Variants in MVB12A observed in about 807,000 individuals in gnomAD.
MVB12A encodes multivesicular body subunit 12A, also known as CIN85/CD2AP family binding protein.
Under a neutral mutation model 34.3 loss-of-function variants are expected in MVB12A, and 30 were observed. That is an observed-to-expected ratio of 0.88 (90% CI 0.65 to 1.19). The LOEUF (loss-of-function observed/expected upper bound fraction) is 1.19. MVB12A is among the 50% of genes most tolerant of loss of function. The pLI is 0.00. For synonymous variants in MVB12A, 158 were observed against 158.9 expected (o/e 0.99, Z 0.04); for missense variants, 355 against 369.2 (o/e 0.96, Z 0.31).
Position 17,410,386 on chromosome 19 carries a change from GTCTCAAACTCCTAGGCTCCAAAGA to G in MVB12A, c.-5+4093_-5+4116del, listed in dbSNP as rs553531970. Among the ~76,000 whole-genome samples the G allele has an allele frequency of 3.7e-3, 547 of 149,856 alleles. 2 individuals carry two copies. Among genetic ancestry groups the G allele is most frequent in the African/African-American group, 0.013 (514 of 40,594 alleles). ...GGGTCTCAGTATGTTTCCCAGGCTGGTCTCAAACTCCTAGGCTCCAAAGATCCTCCTGCCTCAGCCCCCGCAAAG... is the reference window on the plus strand; with the variant it reads ...GGGTCTCAGTATGTTTCCCAGGCTGGTCCTCCTGCCTCAGCCCCCGCAAAG... On this transcript the variant is annotated intron_variant, in intron 2 of 6. Transcript: ENST00000528604.
At position 17,412,002 on chromosome 19, in the gene MVB12A, T is replaced by A. The variant is rs537241544; in HGVS notation, c.-5+5706T>A. Among the ~76,000 whole-genome samples, 6 of 152,270 alleles carry A rather than the reference T, an allele frequency of 3.9e-5. No homozygotes were observed. In the East Asian group the frequency reaches 1.2e-3, roughly 29 times the overall value. ...GGGCGATTCTGCTCCAGGGGACATT[T>A]TTATTGTCACCGCGGGGGCTGGGAG... On this transcript the variant is annotated intron_variant, in intron 2 of 6. Coordinates refer to the MVB12A transcript ENST00000528604.
chr19:17,421,101 G>T, intron 3 of MVB12A: 1 of 456,782 alleles, frequency 2.2e-6, no homozygotes, highest in South Asian at 1.6e-5. Context: ...AGCCCTCCCA[G>T]CCCCACCTGA....
chr19:17,412,046 A>ATG (rs2074772352), intron 2 of MVB12A, among the ~76,000 whole-genome samples: 2 of 151,986 alleles, frequency 1.3e-5, no homozygotes, highest in Admixed American at 6.6e-5. Flanking sequence ...CCATCTAGGG[A>ATG]TGTAGGCCAG....
chr19:17,422,474 A>G lies in MVB12A; in HGVS notation c.413+16A>G. ...TTCGAATAGGGTAGGGCCACCCCCC[A>G]GTGTCTAGCCACCTTCCCTGCCCTC... On this transcript the variant is annotated intron_variant, in intron 4 of 8. Coordinates refer to ENST00000317040, the MANE Select transcript of MVB12A (RefSeq NM_138401.4). 1 of 1,598,284 alleles carries G rather than the reference A, an allele frequency of 6.3e-7. No homozygotes were observed. The highest frequency in any genetic ancestry group is 8.5e-7 in the Non-Finnish European group (1 of 1,170,462).
chr19:17,423,380 AT>A, intron 4 of MVB12A, 117 bp from the exon 5 acceptor site: 8 of 1,237,330 alleles, frequency 6.5e-6, no homozygotes, highest in South Asian at 1.6e-5. Context: ...AAAAAAAAAA[AT>A]TCCCCCAAAA....
intron 2 of MVB12A, among the ~76,000 whole-genome samples, chr19:17,407,209 C>T (rs11882366): frequency 0.27 from 41,682 of 151,980 alleles, 7,685 homozygotes; most frequent in African/African-American, 0.53. Context: ...CCCTGCAAAC[C>T]GAAAGTTTGT....
intron 2 of MVB12A, among the ~76,000 whole-genome samples, chr19:17,407,621 A>C (rs1199712048): frequency 3.3e-5 from 5 of 152,170 alleles, no homozygotes; most frequent in Non-Finnish European, 7.4e-5. Context: ...TCACTAAATG[A>C]CTACTGCTAT....
chr19:17,409,441 CTTTTTTT>C (rs781196057), intron 2 of MVB12A, among the ~76,000 whole-genome samples: 120 of 78,230 alleles, frequency 1.5e-3, no homozygotes, highest in Non-Finnish European at 2.3e-3. Flanking sequence ...TCTGCCATTA[CTTTTTTT>C]TTTTTTTTTT....
At chr19:17,419,845 A>T (rs1357247648), upstream of MVB12A, 1 of 277,148 alleles carries the variant, frequency 3.6e-6, no homozygotes, top group South Asian at 1.2e-4. Context: ...CCTGTGCCGT[A>T]GCATTTCCGG....
chr19:17,423,731 G>C lies in MVB12A; in HGVS notation c.572G>C (p.Gly191Ala). 1 of 1,614,008 alleles carries C rather than the reference G, an allele frequency of 6.2e-7. No homozygotes were observed. The highest frequency in any genetic ancestry group is 8.5e-7 in the Non-Finnish European group (1 of 1,179,950). ...GLLERTASRL[G>A]SRASTLRRND... Reference sequence around the variant, plus strand: ...CTGGAGCGGACAGCGTCAAGGCTGGGCTCTCGGGCATCCACTCTGCGGAGG... The same window carrying C: ...CTGGAGCGGACAGCGTCAAGGCTGGCCTCTCGGGCATCCACTCTGCGGAGG... Residue 191 changes from glycine to alanine, a missense_variant, in exon 6 of 9, where the codon GGC (glycine) becomes GCC (alanine). By Grantham distance (60) the Gly-to-Ala change is moderately conservative (BLOSUM62 0). Transcript: ENST00000317040.
At chr19:17,422,052 A>G in intron 3 of MVB12A, 3 of 290,638 alleles carry the variant, frequency 1.0e-5, no homozygotes, top group Non-Finnish European at 1.9e-5. Context: ...GAGGGCCACG[A>G]TGGGCACCCA....
rs759150550 is a variant in MVB12A, at chr19:17,424,729, T to C, written c.759+52T>C. 5.2e-6 allele frequency: 8 copies of C among 1,552,814 alleles called. No individual in the cohort carries two copies. The South Asian group carries it at 9.6e-5, about 19-fold the overall frequency. On this transcript the variant is annotated intron_variant, in intron 8 of 8. Coordinates refer to ENST00000317040, the MANE Select transcript of MVB12A (RefSeq NM_138401.4). ...GGTGCAGGGCTAGGGAGGAGGTGCC[T>C]GAGGGGCCGGCACCCGCCCCTCGTC...
Position 17,420,115 on chromosome 19 carries a change from C to T in MVB12A, c.-21C>T, listed in dbSNP as rs1051582933. 8 of 1,330,354 alleles carry T rather than the reference C, an allele frequency of 6.0e-6. No individual in the cohort carries two copies. Among genetic ancestry groups the T allele is most frequent in the Non-Finnish European group, 7.7e-6 (8 of 1,045,240 alleles). 82.4% of individuals were successfully genotyped at this position (1,330,354 alleles called of 1,614,324 possible). The stretch of plus-strand genomic sequence containing the variant: ...TCGAGGCTGTGCCCCGCGACCCCGC[C>T]TTCGGCGCTCGGCTCGCAGGATGGA... On this transcript the variant is annotated 5_prime_UTR_variant, in exon 1 of 9. Transcript: ENST00000317040.
At chr19:17,422,284 C>G (rs753484274) in intron 3 of MVB12A, 48 bp from the exon 4 acceptor site, 6 of 1,578,094 alleles carry the variant, frequency 3.8e-6, no homozygotes, top group Non-Finnish European at 5.2e-6. Context: ...TGGGCCTTCC[C>G]ACCCCTGCCT....
At chr19:17,408,898 C>G (rs959259075) in intron 2 of MVB12A, among the ~76,000 whole-genome samples, 4 of 139,836 alleles carry the variant, frequency 2.9e-5, no homozygotes, top group African/African-American at 1.1e-4. Context: ...GGTACGATCT[C>G]GATCACTACA....
intron 3 of MVB12A, chr19:17,421,920 G>A (rs193297290): frequency 1.9e-4 from 29 of 152,810 alleles, no homozygotes; most frequent in Non-Finnish European, 3.8e-4. Flanking sequence ...CAGCCTGGGC[G>A]ACAGAGTGAG....
At position 17,420,055 on chromosome 19, in the gene MVB12A, G is replaced by T. The variant is rs1293954967; in HGVS notation, c.-81G>T. 4 of 869,928 alleles carry T rather than the reference G, an allele frequency of 4.6e-6. No homozygotes were observed. Among genetic ancestry groups the T allele is most frequent in the Non-Finnish European group, 6.2e-6 (4 of 648,586 alleles). The allele number at this position is 869,928 out of a possible 1,614,324, so 53.9% of individuals were successfully genotyped here. On this transcript the variant is annotated 5_prime_UTR_variant, in exon 1 of 9. Transcript: ENST00000317040. The stretch of plus-strand genomic sequence containing the variant: ...ATGGCCTTCTGGGAGTTGTAGTTCG[G>T]TCGCGAGCGCTGCCGTCGGGAGGCG...
Position 17,423,807 on chromosome 19 carries a change from C to A in MVB12A, c.640+8C>A. 5.0e-6 allele frequency: 8 copies of A among 1,612,584 alleles called. No individual in the cohort carries two copies. The highest frequency in any genetic ancestry group is 6.8e-6 in the Non-Finnish European group (8 of 1,178,756). On this transcript the variant is annotated splice_region_variant and intron_variant, in intron 6 of 8. Transcript: ENST00000317040. ...GCCTCTATGGCATCTCAGGTGAGCA[C>A]AGAGTGGGGAAACTGAGGCGTGGAA...
At chr19:17,418,483 C>G (rs2074815930), upstream of MVB12A, among the ~76,000 whole-genome samples, 1 of 151,358 alleles carries the variant, frequency 6.6e-6, no homozygotes, top group African/African-American at 2.4e-5. Context: ...ACCTCCACCT[C>G]CCGGGTTCCA....
Sources: gnomAD v4.1 joint callset for allele counts (sites outside exome capture counted in the v4.1 genomes callset) on GRCh38, gnomAD v4.1.1 for gene constraint, MANE v1.5 for transcripts, NCBI Gene and HGNC (gene_info 2026-07-23, HGNC 2026-07-21) for gene names.